JAK2: variants seen among roughly 807,000 people sequenced by gnomAD.
JAK2 encodes the protein tyrosine-protein kinase JAK2.
JAK2 carries 86 observed loss-of-function variants against 139.3 expected under a neutral mutation model. The observed-to-expected ratio is 0.62, with a 90% confidence interval of 0.52 to 0.74. The LOEUF is 0.74. JAK2 is among the 30% of genes least tolerant of loss of function. The pLI is 0.00. For synonymous variants in JAK2, 490 were observed against 437.7 expected (o/e 1.12, Z -1.49); for missense variants, 1,421 against 1,360.3 (o/e 1.04, Z -0.70).
chr9:5,090,963 TTTATTG>T (rs1820526384), intron 22 of JAK2, 52 bp downstream of exon 22: 1 of 1,238,602 alleles, frequency 8.1e-7, no homozygotes, highest in East Asian at 2.5e-5. Context: ...GACTTCAAAC[TTTATTG>T]TTGTTATTTA....
intron 22 of JAK2, among the ~76,000 whole-genome samples, chr9:5,104,890 G>T (rs1019733751): frequency 6.6e-6 from 1 of 152,092 alleles, no homozygotes; most frequent in Non-Finnish European, 1.5e-5. Context: ...AATAAACTAG[G>T]TATTGATGGA....
intron 2 of JAK2, among the ~76,000 whole-genome samples, chr9:4,990,498 G>T (rs1820179408): frequency 6.6e-6 from 1 of 152,162 alleles, no homozygotes; most frequent in African/African-American, 2.4e-5. Context: ...CATATGACTA[G>T]AATTTGTTAG....
chr9:4,991,380 T>C (rs1019685751), intron 2 of JAK2, among the ~76,000 whole-genome samples: 1 of 152,158 alleles, frequency 6.6e-6, no homozygotes, highest in African/African-American at 2.4e-5. Flanking sequence ...TACTAAGTGG[T>C]TTTAGTTTAA....
intron 8 of JAK2, among the ~76,000 whole-genome samples, chr9:5,060,029 T>TG: frequency 6.6e-6 from 1 of 152,304 alleles, no homozygotes; most frequent in South Asian, 2.1e-4. Context: ...AATTTTGCAA[T>TG]GAAGTGAGTC....
chr9:5,066,537 G>C, intron 9 of JAK2, 141 bp from the exon 10 acceptor site: 1 of 541,580 alleles, frequency 1.8e-6, no homozygotes, highest in Admixed American at 3.2e-5. Flanking sequence ...TTTTTCCTTT[G>C]AAAGATTATT....
Position 5,026,580 on chromosome 9 carries a change from A to G in JAK2, c.227-3203A>G, listed in dbSNP as rs138942486. On this transcript the variant is annotated intron_variant, in intron 3 of 24. Transcript: ENST00000381652. ...TGTGAGCCTTATGTTTTAAATATATAGGATTAAAAAAATTTTACATATTCA... is the reference window on the plus strand; with the variant it reads ...TGTGAGCCTTATGTTTTAAATATATGGGATTAAAAAAATTTTACATATTCA... 8.6e-3 allele frequency among the ~76,000 whole-genome samples: 1,315 copies of G among 152,326 alleles called. 16 individuals are homozygous for G. The highest frequency in any genetic ancestry group is 0.03 in the African/African-American group (1,249 of 41,574).
At chr9:4,992,429 T>G (rs1390994557) in intron 2 of JAK2, among the ~76,000 whole-genome samples, 1 of 152,166 alleles carries the variant, frequency 6.6e-6, no homozygotes, top group Non-Finnish European at 1.5e-5. Context: ...AGTGGCAAGT[T>G]CACACTGCAG....
chr9:5,042,961 C>T (rs2130309120), intron 4 of JAK2, among the ~76,000 whole-genome samples: 1 of 152,346 alleles, frequency 6.6e-6, no homozygotes, highest in Admixed American at 6.5e-5. Context: ...TTCCCCGAGG[C>T]TGTGCTCCGA....
chr9:4,985,073 C>G (rs1819864652), upstream of JAK2: 1 of 152,298 alleles, frequency 6.6e-6, no homozygotes, highest in South Asian at 2.1e-4. Context: ...TCTATCCGGC[C>G]CGGTCTCCTG....
rs151293780 is a variant in JAK2, at chr9:5,057,842, A to T, written c.1056+2054A>T. ...ATGATCCGCCTGCCTCATCCTCCCA[A>T]AGTGCTGGGATTACAGGTGTGAGCC... On this transcript the variant is annotated intron_variant, in intron 8 of 24. Coordinates refer to ENST00000381652, the MANE Select transcript of JAK2 (RefSeq NM_004972.4). Among the ~76,000 whole-genome samples, 995 of 152,026 alleles carry T rather than the reference A, an allele frequency of 6.5e-3. 12 individuals are homozygous for T. The highest frequency in any genetic ancestry group is 0.023 in the African/African-American group (950 of 41,464).
chr9:5,035,114 A>T (rs553694424), intron 4 of JAK2, among the ~76,000 whole-genome samples: 2 of 152,372 alleles, frequency 1.3e-5, no homozygotes, highest in East Asian at 3.9e-4. Context: ...CCTCTACATG[A>T]ATAAACTAGA....
chr9:5,076,809 ATCT>A (rs1458480446), intron 14 of JAK2, among the ~76,000 whole-genome samples: 1 of 152,170 alleles, frequency 6.6e-6, no homozygotes, highest in Non-Finnish European at 1.5e-5. Context: ...AAAATTGATA[ATCT>A]TCTCAAAAGC....
At chr9:5,108,177 G>C (rs974236265) in intron 22 of JAK2, 6 of 151,980 alleles carry the variant, frequency 3.9e-5, no homozygotes, top group Admixed American at 3.9e-4. Context: ...ACTGTTCAAT[G>C]AATCACCCCC....
chr9:5,073,821 A>G lies in JAK2; in HGVS notation c.1864+36A>G, dbSNP rs1819134113. On this transcript the variant is annotated intron_variant, in intron 14 of 24. Coordinates refer to ENST00000381652, the MANE Select transcript of JAK2 (RefSeq NM_004972.4). ...CTACAGGCTTTCTAATGCCTTTCTC[A>G]GAGCATCTGTTTTTGTTTATATAGA... 5 of 1,308,646 alleles carry G rather than the reference A, an allele frequency of 3.8e-6. No individual in the cohort carries two copies. The East Asian group carries it at 1.2e-4, about 30-fold the overall frequency. The allele number at this position is 1,308,646 out of a possible 1,614,324, so 81.1% of individuals were successfully genotyped here. A position where few individuals can be genotyped will look rare whatever the true frequency, so the allele number is the denominator to read the frequency against.
At position 5,042,172 on chromosome 9, in the gene JAK2, C is replaced by T. The variant is rs548562755; in HGVS notation, c.351-2231C>T. On this transcript the variant is annotated intron_variant, in intron 4 of 24. Coordinates refer to ENST00000381652, the MANE Select transcript of JAK2 (RefSeq NM_004972.4). ...TTGAGACGGAGTCTCGCTTTGTCGCCCAGGCCGGACTGCGGACTGCAGTGG... is the reference window on the plus strand; with the variant it reads ...TTGAGACGGAGTCTCGCTTTGTCGCTCAGGCCGGACTGCGGACTGCAGTGG... Among the ~76,000 whole-genome samples, 437 of 149,678 alleles carry T rather than the reference C, an allele frequency of 2.9e-3. 1 individual carries two copies. Among genetic ancestry groups the T allele is most frequent in the African/African-American group, 0.011 (431 of 40,540 alleles).
At chr9:5,049,340 C>CTT in intron 5 of JAK2, among the ~76,000 whole-genome samples, 1 of 152,276 alleles carries the variant, frequency 6.6e-6, no homozygotes, top group Middle Eastern at 3.4e-3. Flanking sequence ...AAGTTTTAAT[C>CTT]CACATTATTT....
chr9:5,019,514 C>A (rs1822278655), intron 2 of JAK2, among the ~76,000 whole-genome samples: 1 of 151,752 alleles, frequency 6.6e-6, no homozygotes, highest in Non-Finnish European at 1.5e-5. Context: ...ATTTTTAATT[C>A]TTTTTCTGGC....
chr9:5,041,034 T>C, intron 4 of JAK2: 1 of 675,056 alleles, frequency 1.5e-6, no homozygotes, highest in Admixed American at 2.1e-5. Context: ...GTACCGGTTC[T>C]ACAAGCAGCT....
intron 22 of JAK2, chr9:5,111,033 C>T (rs1010417650): frequency 9.1e-6 from 8 of 882,170 alleles, no homozygotes; most frequent in African/African-American, 1.7e-5. Flanking sequence ...CCTCCCTGGC[C>T]GGGGCGCAAT....
Sources: allele counts gnomAD v4.1 joint callset (sites outside exome capture counted in the v4.1 genomes callset), GRCh38; gene constraint gnomAD v4.1.1; transcripts MANE v1.5; gene names NCBI Gene and HGNC (gene_info 2026-07-23, HGNC 2026-07-21).